ZFPM1: variants seen among roughly 807,000 people sequenced by gnomAD.
ZFPM1 encodes zinc finger protein ZFPM1.
Under a neutral mutation model 46.3 loss-of-function variants are expected in ZFPM1, and 28 were observed. That is an observed-to-expected ratio of 0.60 (90% confidence interval 0.45 to 0.83). The LOEUF is 0.83. Among genes scored for constraint, ZFPM1 ranks in the 40% least tolerant of loss-of-function variants. ZFPM1 has a pLI of 0.00. For synonymous variants in ZFPM1, 957 were observed against 675.9 expected (o/e 1.42, Z -6.45); for missense variants, 1,878 against 1,432.4 (o/e 1.31, Z -5.02).
chr16:88,514,093 G>A (rs1911135461), intron 3 of ZFPM1, among the ~76,000 whole-genome samples: 1 of 152,210 alleles, frequency 6.6e-6, no homozygotes, highest in Admixed American at 6.5e-5. Context: ...GGGCTCTGTG[G>A]GCCTGTCCCA....
intron 3 of ZFPM1, among the ~76,000 whole-genome samples, chr16:88,492,158 T>A (rs1034772585): frequency 6.6e-6 from 1 of 151,854 alleles, no homozygotes; most frequent in Admixed American, 6.6e-5. Context: ...CCGTTCTCCT[T>A]CTCTCTTCCT....
chr16:88,532,915 C>T lies in ZFPM1; in HGVS notation c.1169C>T (p.Pro390Leu). The change falls in exon 9 of 10, where the codon CCA (proline) becomes CTA (leucine). Residue 390 changes from proline to leucine, a missense_variant. Pro to Leu is a moderately conservative substitution (Grantham distance 98). Coordinates refer to ENST00000319555, the MANE Select transcript of ZFPM1 (RefSeq NM_153813.3). The part of the protein sequence containing the change: ...GEIYSPGAGH[P>L]ATKLPPDSLG... Reference sequence around the variant, plus strand: ...ATCTACTCGCCAGGGGCCGGACACCCAGCAACCAAGCTGCCCCCAGGTGAG... The same window carrying T: ...ATCTACTCGCCAGGGGCCGGACACCTAGCAACCAAGCTGCCCCCAGGTGAG... The T allele has an allele frequency of 6.2e-7, 1 of 1,613,148 alleles. No homozygotes were observed. The highest frequency in any genetic ancestry group is 8.5e-7 in the Non-Finnish European group (1 of 1,179,962).
chr16:88,455,132 G>T (rs998075838), intron 1 of ZFPM1, among the ~76,000 whole-genome samples: 4 of 141,676 alleles, frequency 2.8e-5, no homozygotes, highest in Non-Finnish European at 6.1e-5. Flanking sequence ...TCGGTTCTGG[G>T]GTGTGTGTGT....
intron 4 of ZFPM1, among the ~76,000 whole-genome samples, chr16:88,517,651 T>C (rs1911430404): frequency 6.9e-6 from 1 of 144,856 alleles, no homozygotes; most frequent in South Asian, 2.2e-4. Flanking sequence ...GGTGGATAAG[T>C]GGATGGATGG....
At position 88,466,628 on chromosome 16, in the gene ZFPM1, G is replaced by T. The variant is rs188202003; in HGVS notation, c.40+12950G>T. On this transcript the variant is annotated intron_variant, in intron 1 of 9. Transcript: ENST00000319555. ...CGGAGGCTGGCCTGCCTCTATTCTT[G>T]TTTCTTGGGTTCATTTCATCTGTCC... 5.3e-4 allele frequency among the ~76,000 whole-genome samples: 81 copies of T among 152,318 alleles called. 1 individual carries two copies. In the East Asian group the frequency reaches 0.014, roughly 26 times the overall value.
chr16:88,533,916 C>T lies in ZFPM1; in HGVS notation c.1958C>T (p.Thr653Met). Residue 653 changes from threonine to methionine, a missense_variant, in exon 10 of 10, where the codon ACG becomes ATG. Thr to Met is a moderately conservative substitution (Grantham distance 81). Coordinates refer to ENST00000319555, the MANE Select transcript of ZFPM1 (RefSeq NM_153813.3). The part of the protein sequence containing the change: ...AREEGAGGAA[T>M]PEDGAGGRGS... Reference sequence around the variant, plus strand: ...GAGGAGGGGGCTGGGGGCGCGGCCACGCCCGAGGACGGCGCGGGCGGCCGG... The same window carrying T: ...GAGGAGGGGGCTGGGGGCGCGGCCATGCCCGAGGACGGCGCGGGCGGCCGG... 8.6e-7 allele frequency: 1 copy of T among 1,161,618 alleles called. No individual in the cohort carries two copies. Among genetic ancestry groups the T allele is most frequent in the Non-Finnish European group, 1.1e-6 (1 of 930,502 alleles). The allele number at this position is 1,161,618 out of a possible 1,614,324, so 72.0% of individuals were successfully genotyped here.
In ZFPM1 at chr16:88,490,469, T is replaced by C. The variant is rs900435923; in HGVS notation, c.268+1316T>C. Reference sequence around the variant, plus strand: ...CAGGGCCCCGTCTGTGGAGAGAAGATGCATGGTGAGGCGCTCGCCGTGCTG... The same window carrying C: ...CAGGGCCCCGTCTGTGGAGAGAAGACGCATGGTGAGGCGCTCGCCGTGCTG... On this transcript the variant is annotated intron_variant, in intron 3 of 9. Coordinates refer to ENST00000319555, the MANE Select transcript of ZFPM1 (RefSeq NM_153813.3). 7.2e-5 allele frequency among the ~76,000 whole-genome samples: 11 copies of C among 152,174 alleles called. No individual in the cohort carries two copies. In the East Asian group the frequency reaches 2.1e-3, roughly 29 times the overall value.
chr16:88,483,496 C>A (rs1477657869), intron 1 of ZFPM1, among the ~76,000 whole-genome samples: 1 of 152,228 alleles, frequency 6.6e-6, no homozygotes, highest in East Asian at 1.9e-4. Context: ...TTCTCAGGGG[C>A]TGGTCTCACA....
rs541452881 is a variant in ZFPM1 at position 88,533,179 on chromosome 16, G to A, written c.1221G>A (p.Thr407=). ...DSLGSFQQQH[T]ALQGPLASAD... ...TGGGCAGCTTCCAGCAGCAGCACAC[G>A]GCCCTGCAAGGCCCCCTGGCCTCCG... is the stretch of plus-strand genomic sequence containing the variant. Residue 407 remains threonine (T), a synonymous_variant, in exon 10 of 10, where the codon ACG becomes ACA. Transcript: ENST00000319555. 12 of 1,520,926 alleles carry A rather than the reference G, an allele frequency of 7.9e-6. No homozygotes were observed. The highest frequency in any genetic ancestry group is 4.6e-5 in the East Asian group (2 of 43,168). The allele number at this position is 1,520,926 out of a possible 1,614,324, so 94.2% of individuals were successfully genotyped here.
chr16:88,478,821 G>T (rs1441978041), intron 1 of ZFPM1, among the ~76,000 whole-genome samples: 2 of 152,202 alleles, frequency 1.3e-5, no homozygotes, highest in Admixed American at 6.5e-5. Flanking sequence ...AGGAGTTGGG[G>T]GCCAACCTGA....
At chr16:88,495,928 G>C (rs546415573) in intron 3 of ZFPM1, among the ~76,000 whole-genome samples, 6 of 152,212 alleles carry the variant, frequency 3.9e-5, no homozygotes, top group Non-Finnish European at 8.8e-5. Context: ...CGCCTGTGAG[G>C]TGGGAGCTGG....
chr16:88,529,580 G>A (rs958723612), intron 6 of ZFPM1, among the ~76,000 whole-genome samples: 2 of 152,242 alleles, frequency 1.3e-5, no homozygotes, highest in African/African-American at 4.8e-5. Context: ...CAAGGATGGG[G>A]CTCAGAGAGC....
chr16:88,531,629 G>A (rs1475247468), intron 6 of ZFPM1, among the ~76,000 whole-genome samples: 1 of 152,164 alleles, frequency 6.6e-6, no homozygotes, highest in African/African-American at 2.4e-5. Flanking sequence ...CCTCTTCCAC[G>A]GCCTCCCGGG....
At chr16:88,527,135 G>A (rs1912401667) in intron 5 of ZFPM1, among the ~76,000 whole-genome samples, 1 of 152,188 alleles carries the variant, frequency 6.6e-6, no homozygotes, top group Non-Finnish European at 1.5e-5. Context: ...CTGGCAGGCT[G>A]AGCCAGGACA....
At chr16:88,532,298 G>C in intron 7 of ZFPM1, 63 bp downstream of exon 7, 1 of 1,455,996 alleles carries the variant, frequency 6.9e-7, no homozygotes, top group Non-Finnish European at 9.3e-7. Flanking sequence ...CAGTCCCGCA[G>C]GCCGCCCGGG....
chr16:88,502,868 C>A (rs1910444585), intron 3 of ZFPM1, among the ~76,000 whole-genome samples: 2 of 150,938 alleles, frequency 1.3e-5, no homozygotes, highest in Admixed American at 1.3e-4. Flanking sequence ...CACGTGGATG[C>A]CCGTTTGTGG....
At position 88,529,850 on chromosome 16, in the gene ZFPM1, G is replaced by A. The variant is rs538988697; in HGVS notation, c.712+1612G>A. Among the ~76,000 whole-genome samples, 3 of 152,336 alleles carry A rather than the reference G, an allele frequency of 2.0e-5. No homozygotes were observed. The East Asian group carries it at 5.8e-4, about 29-fold the overall frequency. Reference sequence around the variant, plus strand: ...GCTGGCCAGAGGGGGATGGGCTTGTGTGCCTGGTAGCCAGGACATAATAGC... The same window carrying A: ...GCTGGCCAGAGGGGGATGGGCTTGTATGCCTGGTAGCCAGGACATAATAGC... On this transcript the variant is annotated intron_variant, in intron 6 of 9. Transcript: ENST00000319555.
intron 4 of ZFPM1, among the ~76,000 whole-genome samples, chr16:88,526,491 G>C (rs914375044): frequency 6.6e-6 from 1 of 152,160 alleles, no homozygotes; most frequent in African/African-American, 2.4e-5. Context: ...AGGCTCTGCT[G>C]CTCCCTGGCT....
At chr16:88,457,541 G>T (rs1907611842) in intron 1 of ZFPM1, among the ~76,000 whole-genome samples, 1 of 152,214 alleles carries the variant, frequency 6.6e-6, no homozygotes, top group South Asian at 2.1e-4. Context: ...ATCCTGAGGG[G>T]AACGGTGCCT....
Sources: gnomAD v4.1 joint callset for allele counts (sites outside exome capture counted in the v4.1 genomes callset) on GRCh38, gnomAD v4.1.1 for gene constraint, MANE v1.5 for transcripts, NCBI Gene and HGNC (gene_info 2026-07-23, HGNC 2026-07-21) for gene names.